Variants in GYG1 observed in about 807,000 individuals in gnomAD.
GYG1 encodes glycogenin-1.
GYG1 carries 44 observed loss-of-function variants against 41.9 expected under a neutral mutation model. The ratio of observed to expected loss-of-function variants is 1.05; its 90% CI spans 0.83 to 1.35. The LOEUF (loss-of-function observed/expected upper bound fraction) is 1.35, where lower values mean the gene tolerates loss of function less well. Among genes scored for constraint, GYG1 ranks in the 40% most tolerant of loss-of-function variants. GYG1 has a pLI of 0.00. For synonymous variants in GYG1, 141 were observed against 158.1 expected (o/e 0.89, Z 0.81); for missense variants, 429 against 418.9 (o/e 1.02, Z -0.21).
In GYG1 at chr3:149,026,903, CAA is replaced by C; in HGVS notation, c.1024_1025del (p.Lys342GlufsTer4). ...TGGGAGCAGATTCCTTTGACAACAT[CAA>C]GAGGAAACTTGACACTTACCTCCAG... The part of the protein sequence containing the change: ...YMGADSFDNI[K>X]RKLDTYLQ On this transcript the variant is annotated frameshift_variant, in exon 8 of 8. Transcript: ENST00000345003. LOFTEE classifies it high-confidence loss of function. The C allele has an allele frequency of 6.2e-7, 1 of 1,613,300 alleles. No individual in the cohort carries two copies. Among genetic ancestry groups the C allele is most frequent in the South Asian group, 1.1e-5 (1 of 91,066 alleles).
In GYG1 at chr3:149,031,253, T is replaced by C. The variant is rs1715010445; in HGVS notation, c.*4320T>C. The C allele has an allele frequency of 6.6e-6, 1 of 152,592 alleles. No homozygotes were observed. Among genetic ancestry groups the C allele is most frequent in the Non-Finnish European group, 1.5e-5 (1 of 68,024 alleles). 9.5% of individuals were successfully genotyped at this position (152,592 alleles called of 1,614,324 possible). On this transcript the variant is annotated 3_prime_UTR_variant, in exon 8 of 8. Transcript: ENST00000345003. ...AAATCAAATTCTGATTCTAAACACA[T>C]AACAATTGTTTACATTCAGGATTAA...
intron 4 of GYG1, among the ~76,000 whole-genome samples, chr3:149,002,522 C>T (rs1713149994): frequency 6.6e-6 from 1 of 152,066 alleles, no homozygotes; most frequent in African/African-American, 2.4e-5. Context: ...GGGTTGAGGC[C>T]AGTGAGATGC....
chr3:149,005,384 G>A (rs1170111780), intron 4 of GYG1, among the ~76,000 whole-genome samples: 1 of 152,018 alleles, frequency 6.6e-6, no homozygotes. Context: ...TTACTTTCTT[G>A]TAATATAAAT....
intron 5 of GYG1, among the ~76,000 whole-genome samples, chr3:149,017,924 T>C (rs1271991876): frequency 6.6e-6 from 1 of 152,106 alleles, no homozygotes; most frequent in East Asian, 1.9e-4. Context: ...CTATTTTGTT[T>C]TTAGCCATGC....
rs1226640252 is a variant in GYG1, at chr3:149,030,785, G to T, written c.*3852G>T. 1 of 152,194 alleles carries T rather than the reference G, an allele frequency of 6.6e-6. No individual in the cohort carries two copies. The highest frequency in any genetic ancestry group is 2.4e-5 in the African/African-American group (1 of 41,434). The allele number at this position is 152,194 out of a possible 1,614,324, so 9.4% of individuals were successfully genotyped here. On this transcript the variant is annotated 3_prime_UTR_variant, in exon 8 of 8. Transcript: ENST00000345003. Reference sequence around the variant, plus strand: ...CTGCTACTGCCTCAAAAAGGGACCAGGAAGATTCTAGCTGGCTAATTCACT... The same window carrying T: ...CTGCTACTGCCTCAAAAAGGGACCATGAAGATTCTAGCTGGCTAATTCACT...
At chr3:148,993,853 A>G (rs1434320430) in intron 1 of GYG1, among the ~76,000 whole-genome samples, 1 of 152,184 alleles carries the variant, frequency 6.6e-6, no homozygotes, top group Admixed American at 6.5e-5. Flanking sequence ...CTGGAGTTCA[A>G]ACTCTTGGTA....
At position 149,027,062 on chromosome 3, in the gene GYG1, G is replaced by A. The variant is rs1714698481; in HGVS notation, c.*129G>A. 1.5e-5 allele frequency: 14 copies of A among 938,128 alleles called. No individual in the cohort carries two copies. Among genetic ancestry groups the A allele is most frequent in the Non-Finnish European group, 2.2e-5 (13 of 599,176 alleles). The allele number at this position is 938,128 out of a possible 1,614,324, so 58.1% of individuals were successfully genotyped here. ...TTTCATTAAAACTTATCAGATGAGA[G>A]GCTTTTTTAGGATAAGAGGTGAGAA... On this transcript the variant is annotated 3_prime_UTR_variant, in exon 8 of 8. Coordinates refer to ENST00000345003, the MANE Select transcript of GYG1 (RefSeq NM_004130.4).
chr3:149,012,924 C>CAAGTGATCCA (rs1405766099), intron 5 of GYG1, among the ~76,000 whole-genome samples: 6 of 152,104 alleles, frequency 3.9e-5, no homozygotes, highest in African/African-American at 1.4e-4. Context: ...TCCTGAGGCT[C>CAAGTGATCCA]AAGTGATCCT....
chr3:149,010,180 C>T (rs1713636418), intron 5 of GYG1, among the ~76,000 whole-genome samples: 1 of 152,198 alleles, frequency 6.6e-6, no homozygotes, highest in Non-Finnish European at 1.5e-5. Context: ...GCCTCAGCTC[C>T]TCCATATGTA....
chr3:149,023,089 A>G (rs557256317), intron 5 of GYG1, among the ~76,000 whole-genome samples: 3 of 152,300 alleles, frequency 2.0e-5, no homozygotes, highest in South Asian at 2.1e-4. Context: ...GAGCTAGGCT[A>G]CAGGTTTGGT....
At position 149,012,997 on chromosome 3, in the gene GYG1, T is replaced by TTGTGTGTGTGTGTGTGTGTG. The variant is rs10575910; in HGVS notation, c.608+3611_608+3630dup. ...GCATGTGCCACTATGCTCAGTTAATTTGTGTGTGTGTGTGTGTGTGTGTGT... is the reference window on the plus strand; with the variant it reads ...GCATGTGCCACTATGCTCAGTTAATTTGTGTGTGTGTGTGTGTGTGTGTGTGTGTGTGTGTGTGTGTGTGT... On this transcript the variant is annotated intron_variant, in intron 5 of 7. Coordinates refer to ENST00000345003, the MANE Select transcript of GYG1 (RefSeq NM_004130.4). 6.0e-3 allele frequency among the ~76,000 whole-genome samples: 848 copies of TTGTGTGTGTGTGTGTGTGTG among 141,430 alleles called. 10 individuals are homozygous for TTGTGTGTGTGTGTGTGTGTG. The highest frequency in any genetic ancestry group is 0.021 in the Middle Eastern group (6 of 288). 92.8% of individuals were successfully genotyped at this position (141,430 alleles called of 152,430 possible). A position where few individuals can be genotyped will look rare whatever the true frequency, so the allele number is the denominator to read the frequency against.
In GYG1 at chr3:148,994,206, A is replaced by G; in HGVS notation, c.72A>G (p.Ser24=). ...CCAAAGGTGCCCTGGTCCTGGGATC[A>G]TCTCTGAAACAGCACAGGACCACCA... ...AYAKGALVLG[S]SLKQHRTTRR... The change falls in exon 2 of 8, where the codon TCA becomes TCG. Residue 24 remains serine (S), a synonymous_variant. Transcript: ENST00000345003. 2 of 1,613,828 alleles carry G rather than the reference A, an allele frequency of 1.2e-6. No homozygotes were observed. The highest frequency in any genetic ancestry group is 1.7e-6 in the Non-Finnish European group (2 of 1,179,806).
chr3:148,996,163 T>C, intron 2 of GYG1, 139 bp from the exon 3 acceptor site: 1 of 717,282 alleles, frequency 1.4e-6, no homozygotes, highest in Non-Finnish European at 2.5e-6. Context: ...TAGAACAGAT[T>C]TAAGGGTACA....
rs758377662 is a variant in GYG1 at position 149,031,088 on chromosome 3, C to CT, written c.*4158dup. On this transcript the variant is annotated 3_prime_UTR_variant, in exon 8 of 8. Coordinates refer to ENST00000345003, the MANE Select transcript of GYG1 (RefSeq NM_004130.4). ...AATCTGACTGCTAAATTTCTAGCTT[C>CT]TTTGTTTTAAATATGCTCAGGAGTC... is the stretch of plus-strand genomic sequence containing the variant. 12 of 150,502 alleles carry CT rather than the reference C, an allele frequency of 8.0e-5. No homozygotes were observed. The highest frequency in any genetic ancestry group is 2.0e-4 in the Admixed American group (3 of 15,188). 9.3% of individuals were successfully genotyped at this position (150,502 alleles called of 1,614,324 possible). A position where few individuals can be genotyped will look rare whatever the true frequency, so the allele number is the denominator to read the frequency against.
At chr3:148,992,192 G>A (rs538289797) in intron 1 of GYG1, among the ~76,000 whole-genome samples, 85 of 152,396 alleles carry the variant, frequency 5.6e-4, no homozygotes, top group South Asian at 3.3e-3. Context: ...GAAGCCGGGA[G>A]TCGGACTAGC....
chr3:149,011,423 GAGAA>G (rs1713716328), intron 5 of GYG1, among the ~76,000 whole-genome samples: 1 of 152,188 alleles, frequency 6.6e-6, no homozygotes, highest in South Asian at 2.1e-4. Context: ...CAGTGCAGAG[GAGAA>G]AGACTTTTGA....
At chr3:149,016,666 A>G (rs1714068560) in intron 5 of GYG1, among the ~76,000 whole-genome samples, 1 of 152,144 alleles carries the variant, frequency 6.6e-6, no homozygotes, top group Admixed American at 6.5e-5. Flanking sequence ...GGTAGCAGCT[A>G]TCTTCTAGTG....
At chr3:149,021,998 A>G (rs1576553855) in intron 5 of GYG1, among the ~76,000 whole-genome samples, 1 of 152,152 alleles carries the variant, frequency 6.6e-6, no homozygotes. Context: ...CTCACCTGAT[A>G]CCTGCCATTG....
chr3:149,027,693 G>A lies in GYG1; in HGVS notation c.*760G>A, dbSNP rs1357059296. ...TACACCCTTGAACAAATCTATTAGG[G>A]AATTTTTCACAATTTTTGGAATTTG... On this transcript the variant is annotated 3_prime_UTR_variant, in exon 8 of 8. Transcript: ENST00000345003. 1 of 152,120 alleles carries A rather than the reference G, an allele frequency of 6.6e-6. No individual in the cohort carries two copies. The highest frequency in any genetic ancestry group is 2.4e-5 in the African/African-American group (1 of 41,416). The allele number at this position is 152,120 out of a possible 1,614,324, so 9.4% of individuals were successfully genotyped here.
Sources: gnomAD v4.1 joint callset for allele counts (sites outside exome capture counted in the v4.1 genomes callset) on GRCh38, gnomAD v4.1.1 for gene constraint, MANE v1.5 for transcripts, NCBI Gene and HGNC (gene_info 2026-07-23, HGNC 2026-07-21) for gene names.